CHN1: variants seen among roughly 807,000 people sequenced by gnomAD.
CHN1 encodes the protein N-chimaerin.
In CHN1, 37 loss-of-function variants were observed where a neutral mutation model predicts 59.5. The ratio of observed to expected loss-of-function variants is 0.62; its 90% confidence interval spans 0.48 to 0.82. CHN1 has a LOEUF of 0.82. CHN1 is among the 40% of genes least tolerant of loss of function. The pLI is 0.00. For missense variants in CHN1, 469 were observed against 571.0 expected (o/e 0.82, Z 1.82); for synonymous variants, 206 against 200.4 (o/e 1.03, Z -0.24).
chr2:174,993,859 T>C (rs1691626519), intron 1 of CHN1, among the ~76,000 whole-genome samples: 1 of 152,306 alleles, frequency 6.6e-6, no homozygotes, highest in South Asian at 2.1e-4. Flanking sequence ...TTTTAATCCA[T>C]TTAAAAATGT....
intron 1 of CHN1, among the ~76,000 whole-genome samples, chr2:174,962,826 C>G (rs745391078): frequency 1.3e-5 from 2 of 152,084 alleles, no homozygotes; most frequent in Non-Finnish European, 2.9e-5. Flanking sequence ...AGGAGAATTG[C>G]TTGAACCAGG....
At position 175,004,877 on chromosome 2, in the gene CHN1, GA is replaced by G. The variant is rs546633153; in HGVS notation, c.19+16del. 3.5e-4 allele frequency: 489 copies of G among 1,401,150 alleles called. 1 individual carries two copies. The African/African-American group carries it at 6.0e-3, about 17-fold the overall frequency. The allele number at this position is 1,401,150 out of a possible 1,614,324, so 86.8% of individuals were successfully genotyped here. On this transcript the variant is annotated intron_variant, in intron 1 of 12. Transcript: ENST00000409900. Reference sequence around the variant, plus strand: ...CGCGGCCCACCTGCGGCGGCGCGGGGAGACGGCTGCACTTACCAAACAGGGT... The same window carrying G: ...CGCGGCCCACCTGCGGCGGCGCGGGGGACGGCTGCACTTACCAAACAGGGT...
chr2:174,820,390 G>A (rs981944037), intron 8 of CHN1, among the ~76,000 whole-genome samples: 9 of 152,124 alleles, frequency 5.9e-5, no homozygotes, highest in Admixed American at 2.0e-4. Flanking sequence ...ATCTCATTGT[G>A]GTTTTGATTT....
At chr2:174,953,662 T>C (rs577050179) in intron 1 of CHN1, among the ~76,000 whole-genome samples, 9 of 152,076 alleles carry the variant, frequency 5.9e-5, no homozygotes, top group Admixed American at 5.2e-4. Context: ...ACTCAATCTC[T>C]TATACAAAAG....
At chr2:174,804,881 G>GAT (rs1387963922) in intron 11 of CHN1, among the ~76,000 whole-genome samples, 8 of 152,192 alleles carry the variant, frequency 5.3e-5, no homozygotes, top group African/African-American at 9.7e-5. Flanking sequence ...CCAGGCTGGA[G>GAT]ATATACATTT....
At chr2:174,919,485 A>C (rs1194413830) in intron 3 of CHN1, among the ~76,000 whole-genome samples, 1 of 152,196 alleles carries the variant, frequency 6.6e-6, no homozygotes, top group African/African-American at 2.4e-5. Flanking sequence ...GTACTATGTT[A>C]TTGAGCTCTT....
rs1372349094 is a variant in CHN1 at position 174,944,891 on chromosome 2, G to A, written c.111C>T (p.Cys37=). ...APHPRRITCT[C]EVENRPKYYG... is the part of the protein sequence containing the mutation. ...GTAGCAGTTTCATTACACCCACCTC[G>A]CAAGTACAGGTAATTCTTCGAGGAT... The change falls in exon 3 of 13, where the codon TGC becomes TGT. Residue 37 remains cysteine, a synonymous_variant. Coordinates refer to ENST00000409900, the MANE Select transcript of CHN1 (RefSeq NM_001822.7). 1.1e-5 allele frequency: 17 copies of A among 1,580,174 alleles called. No individual in the cohort carries two copies. Among genetic ancestry groups the A allele is most frequent in the Admixed American group, 7.2e-5 (4 of 55,376 alleles).
chr2:174,974,670 A>T (rs1690863608), intron 1 of CHN1, among the ~76,000 whole-genome samples: 1 of 152,174 alleles, frequency 6.6e-6, no homozygotes. Flanking sequence ...ATGTTTTCCC[A>T]GCACCAATAA....
chr2:174,990,907 A>G (rs1172839579), intron 1 of CHN1, among the ~76,000 whole-genome samples: 1 of 152,226 alleles, frequency 6.6e-6, no homozygotes, highest in Non-Finnish European at 1.5e-5. Flanking sequence ...CCAAAGACTT[A>G]AGAGGCAAAA....
intron 10 of CHN1, chr2:174,811,147 G>T (rs1161590328): frequency 6.3e-6 from 1 of 157,626 alleles, no homozygotes; most frequent in Non-Finnish European, 1.4e-5. Context: ...ATGACAGGCA[G>T]GGTAAGGTGG....
Position 174,824,512 on chromosome 2 carries a change from T to A in CHN1, c.634A>T (p.Thr212Ser). 6.3e-7 allele frequency: 1 copy of A among 1,592,154 alleles called. No individual in the cohort carries two copies. Among genetic ancestry groups the A allele is most frequent in the Non-Finnish European group, 8.5e-7 (1 of 1,170,238 alleles). Residue 212 changes from threonine (T) to serine (S), a missense_variant, in exon 8 of 13, where the codon ACA becomes TCA. Physicochemically the swap from Thr to Ser is moderately conservative, Grantham distance 58. This residue lies in a region of CHN1 where 81 missense variants were observed against 71.7 expected (regional missense o/e 1.13). Transcript: ENST00000409900. ...TCACACCAGTGTGGCCCTCTGAATGTATGCACCTGAAAAAAAAAAAGAGGG... is the reference window on the plus strand; with the variant it reads ...TCACACCAGTGTGGCCCTCTGAATGAATGCACCTGAAAAAAAAAAAGAGGG... ...YEKIHNFKVH[T>S]FRGPHWCEYC...
At chr2:174,953,914 T>C (rs1339657077) in intron 1 of CHN1, among the ~76,000 whole-genome samples, 2 of 152,080 alleles carry the variant, frequency 1.3e-5, no homozygotes, top group Non-Finnish European at 2.9e-5. Flanking sequence ...AATACCACCA[T>C]TATTCTTCAC....
chr2:174,820,052 T>C (rs1329872578), intron 8 of CHN1, among the ~76,000 whole-genome samples: 1 of 152,128 alleles, frequency 6.6e-6, no homozygotes, highest in African/African-American at 2.4e-5. Context: ...ATTTTCTTAA[T>C]CCAGTCTATC....
At chr2:174,898,405 T>C (rs1688283466) in intron 5 of CHN1, among the ~76,000 whole-genome samples, 1 of 145,378 alleles carries the variant, frequency 6.9e-6, no homozygotes, top group African/African-American at 2.6e-5. Context: ...ATTGAGACCA[T>C]CCTGGCCAAC....
intron 5 of CHN1, among the ~76,000 whole-genome samples, chr2:174,912,273 G>A (rs1025522419): frequency 1.3e-5 from 2 of 152,170 alleles, no homozygotes; most frequent in Admixed American, 6.5e-5. Flanking sequence ...AGTATAGTGT[G>A]TAGTATAATG....
chr2:175,003,577 A>G (rs1691958025), intron 1 of CHN1, among the ~76,000 whole-genome samples: 1 of 152,254 alleles, frequency 6.6e-6, no homozygotes, highest in Non-Finnish European at 1.5e-5. Flanking sequence ...AAAGGTCCAC[A>G]TTTAAGGAAA....
intron 5 of CHN1, among the ~76,000 whole-genome samples, chr2:174,897,095 C>A (rs2105352385): frequency 6.6e-6 from 1 of 152,246 alleles, no homozygotes. Context: ...TCTGTGTGTT[C>A]TGGCAAAATT....
At chr2:174,824,545 C>T in intron 7 of CHN1, 27 bp from the exon 8 acceptor site, 1 of 1,502,364 alleles carries the variant, frequency 6.7e-7, no homozygotes, top group African/African-American at 1.4e-5. Context: ...GGGGCAAAGT[C>T]AGGAAAGGGG....
chr2:174,847,751 T>TAA, intron 6 of CHN1: 1 of 587,808 alleles, frequency 1.7e-6, no homozygotes, highest in Non-Finnish European at 2.7e-6. Flanking sequence ...CTCATGTAAG[T>TAA]AAGTTTCTTG....
Sources: gnomAD v4.1 joint callset for allele counts (sites outside exome capture counted in the v4.1 genomes callset) on GRCh38, gnomAD v4.1.1 for gene constraint, gnomAD v4.1.1 regional missense constraint, MANE v1.5 for transcripts, NCBI Gene and HGNC (gene_info 2026-07-23, HGNC 2026-07-21) for gene names.